Variants in FAM184A observed in about 807,000 individuals in gnomAD.
FAM184A encodes the protein family with sequence similarity 184 member A.
FAM184A carries 99 observed loss-of-function variants against 143.8 expected under a neutral mutation model. The observed-to-expected ratio is 0.69, with a 90% CI of 0.58 to 0.81. The LOEUF (loss-of-function observed/expected upper bound fraction) is 0.81. Among genes scored for constraint, FAM184A ranks in the 40% least tolerant of loss-of-function variants. The pLI is 0.00. For missense variants in FAM184A, 1,217 were observed against 1,310.5 expected (o/e 0.93, Z 1.10); for synonymous variants, 427 against 446.4 (o/e 0.96, Z 0.55).
rs903297691 is a variant in FAM184A at position 118,979,228 on chromosome 6, TA to T, written c.2455+136del. On this transcript the variant is annotated intron_variant, in intron 11 of 17. Coordinates refer to ENST00000338891, the MANE Select transcript of FAM184A (RefSeq NM_024581.6). ...TGCCTATTCATGTGGTAACTTCAAA[TA>T]AAATATGCAGTACACTTAGATATTC... The T allele has an allele frequency of 2.9e-5, 23 of 780,534 alleles. No homozygotes were observed. The Admixed American group carries it at 5.6e-4, about 19-fold the overall frequency. 48.4% of individuals were successfully genotyped at this position (780,534 alleles called of 1,614,324 possible). A position where few individuals can be genotyped will look rare whatever the true frequency, so the allele number is the denominator to read the frequency against.
chr6:119,108,648 C>A (rs915678606), intron 1 of FAM184A, among the ~76,000 whole-genome samples: 1 of 152,016 alleles, frequency 6.6e-6, no homozygotes, highest in African/African-American at 2.4e-5. Flanking sequence ...ATGACAGTAC[C>A]CTCTGGAGGT....
At chr6:119,087,106 G>A (rs1255346500) in intron 1 of FAM184A, among the ~76,000 whole-genome samples, 2 of 152,120 alleles carry the variant, frequency 1.3e-5, no homozygotes, top group Non-Finnish European at 2.9e-5. Flanking sequence ...AATTGTGTAT[G>A]TTTCAGGCCC....
Position 118,964,658 on chromosome 6 carries a change from G to T in FAM184A, c.3138+9C>A. The T allele has an allele frequency of 1.3e-6, 2 of 1,485,160 alleles. No individual in the cohort carries two copies. The highest frequency in any genetic ancestry group is 2.3e-5 in the South Asian group (2 of 85,672). 92.0% of individuals were successfully genotyped at this position (1,485,160 alleles called of 1,614,324 possible). ...CACATTCCTATTCTACAGTGTTTACGGCACATACCTTAGCCAATGGATTAA... is the reference window on the plus strand; with the variant it reads ...CACATTCCTATTCTACAGTGTTTACTGCACATACCTTAGCCAATGGATTAA... On this transcript the variant is annotated intron_variant, in intron 16 of 17. Coordinates refer to ENST00000338891, the MANE Select transcript of FAM184A (RefSeq NM_024581.6).
In FAM184A at chr6:118,961,792, C is replaced by T. The variant is rs1339656128; in HGVS notation, c.3310G>A (p.Val1104Met). Residue 1104 changes from valine to methionine, a missense_variant, in exon 17 of 18, where the codon GTG becomes ATG. By Grantham distance (21) the Val-to-Met change is conservative. Transcript: ENST00000338891. ...FNSSKPLPQPVPPKGPKTFLS... is the reference protein window; with the variant it reads ...FNSSKPLPQPMPPKGPKTFLS... ...AATGTCTTGGGCCCTTTAGGTGGCA[C>T]TGGCTGTGGAAGTGGTTTGCTGCTG... The T allele has an allele frequency of 1.2e-6, 2 of 1,613,680 alleles. No homozygotes were observed. Among genetic ancestry groups the T allele is most frequent in the Non-Finnish European group, 8.5e-7 (1 of 1,179,846 alleles).
At chr6:119,147,958 C>A (rs2114901360) in intron 1 of FAM184A, among the ~76,000 whole-genome samples, 1 of 152,342 alleles carries the variant, frequency 6.6e-6, no homozygotes, top group Admixed American at 6.5e-5. Context: ...GGGTCTCTGA[C>A]AAAATGCAAG....
intron 6 of FAM184A, 56 bp downstream of exon 6, chr6:119,011,253 A>G (rs1785079152): frequency 1.4e-6 from 2 of 1,463,330 alleles, no homozygotes; most frequent in Non-Finnish European, 1.9e-6. Context: ...TGTCACCAGA[A>G]TAAGTTATTA....
At chr6:119,144,676 A>G (rs1772364110) in intron 1 of FAM184A, among the ~76,000 whole-genome samples, 1 of 152,250 alleles carries the variant, frequency 6.6e-6, no homozygotes. Flanking sequence ...TGGTGAAGAT[A>G]AAAGTCATGA....
At position 119,053,464 on chromosome 6, in the gene FAM184A, T is replaced by A. The variant is rs2114751618; in HGVS notation, c.159+24677A>T. On this transcript the variant is annotated intron_variant, in intron 1 of 17. Coordinates refer to ENST00000338891, the MANE Select transcript of FAM184A (RefSeq NM_024581.6). ...CTATCTTCCCAGCAAAGCAGGCACATCTAAAAACACATCACCCCAAATTTC... is the reference window on the plus strand; with the variant it reads ...CTATCTTCCCAGCAAAGCAGGCACAACTAAAAACACATCACCCCAAATTTC... 1.3e-5 allele frequency among the ~76,000 whole-genome samples: 2 copies of A among 152,298 alleles called. 1 individual carries two copies. Among genetic ancestry groups the A allele is most frequent in the East Asian group, 3.9e-4 (2 of 5,176 alleles).
chr6:119,028,096 TTAAAAATCCTTGCCTGCAAGCC>T (rs1021219609), intron 1 of FAM184A, among the ~76,000 whole-genome samples: 13 of 152,120 alleles, frequency 8.5e-5, no homozygotes, highest in East Asian at 3.9e-4. Flanking sequence ...ACCCCTGCCT[TTAAAAATCCTTGCCTGCAAGCC>T]TAAAAATCCT....
At chr6:118,969,804 C>CT (rs1783619335) in intron 14 of FAM184A, among the ~76,000 whole-genome samples, 2 of 128,524 alleles carry the variant, frequency 1.6e-5, no homozygotes, top group African/African-American at 5.9e-5. Context: ...CCCTGCCCCC[C>CT]ACCCCGTGAC....
At chr6:119,088,893 T>C (rs566313605) in intron 1 of FAM184A, among the ~76,000 whole-genome samples, 1 of 152,212 alleles carries the variant, frequency 6.6e-6, no homozygotes, top group Non-Finnish European at 1.5e-5. Context: ...CAAGTTTCCA[T>C]GTATAATGAA....
At chr6:119,037,890 C>A (rs1185263843) in intron 1 of FAM184A, among the ~76,000 whole-genome samples, 1 of 152,140 alleles carries the variant, frequency 6.6e-6, no homozygotes, top group Admixed American at 6.5e-5. Flanking sequence ...AAACTCTTAT[C>A]TTGGATAAAG....
rs1000008361 is a variant in FAM184A, at chr6:119,011,383, T to C, written c.1579A>G (p.Lys527Glu). Reference protein sequence around the residue: ...NKDKLNLEEDKNQLQQELENL... With the variant: ...NKDKLNLEEDENQLQQELENL... ...TCTAGCTCTTGTTGAAGCTGATTTT[T>C]ATCCTCTTCCAGGTTTAGTTTATCT... is the stretch of plus-strand genomic sequence containing the variant. Residue 527 changes from lysine (K) to glutamate (E), a missense_variant, in exon 6 of 18, where the codon AAA becomes GAA. Coordinates refer to ENST00000338891, the MANE Select transcript of FAM184A (RefSeq NM_024581.6). 1 of 1,584,048 alleles carries C rather than the reference T, an allele frequency of 6.3e-7. No individual in the cohort carries two copies. The highest frequency in any genetic ancestry group is 1.4e-5 in the African/African-American group (1 of 73,586).
intron 7 of FAM184A, 101 bp downstream of exon 7, chr6:119,006,346 C>A: frequency 9.0e-7 from 1 of 1,105,668 alleles, no homozygotes; most frequent in Non-Finnish European, 1.3e-6. Flanking sequence ...AACTAATATA[C>A]TAATTATATA....
chr6:119,144,889 G>A (rs934787492), intron 1 of FAM184A, among the ~76,000 whole-genome samples: 2 of 152,170 alleles, frequency 1.3e-5, no homozygotes, highest in South Asian at 4.1e-4. Context: ...CACATTCACA[G>A]TCTGATTTAC....
chr6:119,106,878 T>C (rs974432090), intron 1 of FAM184A, among the ~76,000 whole-genome samples: 1 of 152,108 alleles, frequency 6.6e-6, no homozygotes, highest in Non-Finnish European at 1.5e-5. Flanking sequence ...TAAGTTACGG[T>C]GAATGGGAAA....
chr6:119,017,698 T>A (rs1266666369), intron 4 of FAM184A, among the ~76,000 whole-genome samples: 1 of 152,186 alleles, frequency 6.6e-6, no homozygotes, highest in Non-Finnish European at 1.5e-5. Context: ...GAAAAAGGGA[T>A]GTTGACACAG....
chr6:119,143,263 G>A (rs1015337624), intron 1 of FAM184A, among the ~76,000 whole-genome samples: 2 of 152,120 alleles, frequency 1.3e-5, no homozygotes, highest in African/African-American at 4.8e-5. Context: ...TTGCACAGCT[G>A]GTAAATGATT....
chr6:119,039,053 A>G (rs1786220773), intron 1 of FAM184A, among the ~76,000 whole-genome samples: 2 of 152,276 alleles, frequency 1.3e-5, no homozygotes, highest in African/African-American at 4.8e-5. Flanking sequence ...TAAGTATATG[A>G]AAATATGCTT....
Sources: allele counts gnomAD v4.1 joint callset (sites outside exome capture counted in the v4.1 genomes callset), GRCh38; gene constraint gnomAD v4.1.1; transcripts MANE v1.5; gene names NCBI Gene and HGNC (gene_info 2026-07-23, HGNC 2026-07-21).